Variants in YAE1 observed in about 807,000 individuals in gnomAD.
YAE1 encodes the protein YAE1 maturation factor of ABCE1.
YAE1 carries 22 observed loss-of-function variants against 23.0 expected under a neutral mutation model. That is an observed-to-expected ratio of 0.96 (90% CI 0.68 to 1.37). The LOEUF (loss-of-function observed/expected upper bound fraction) is 1.37. Ranked by LOEUF, YAE1 falls within the 40% of genes most tolerant of loss-of-function variation. YAE1 has a pLI of 0.00. For synonymous variants in YAE1, 101 were observed against 97.0 expected (o/e 1.04, Z -0.24); for missense variants, 260 against 262.1 (o/e 0.99, Z 0.06).
chr7:39,590,653 C>T (rs1790889114), intron 2 of YAE1, among the ~76,000 whole-genome samples: 1 of 152,050 alleles, frequency 6.6e-6, no homozygotes, highest in Non-Finnish European at 1.5e-5. Flanking sequence ...AGCTTTAAGG[C>T]CATTTTATAC....
At chr7:39,584,437 T>C (rs76899356) in intron 2 of YAE1, among the ~76,000 whole-genome samples, 7,102 of 152,272 alleles carry the variant, frequency 0.047, 569 homozygotes, top group African/African-American at 0.16. Flanking sequence ...GAGATGTTCA[T>C]ATAAATGAAA....
chr7:39,603,065 T>C (rs1218565939), intron 2 of YAE1, among the ~76,000 whole-genome samples: 3 of 152,224 alleles, frequency 2.0e-5, no homozygotes, highest in Non-Finnish European at 4.4e-5. Flanking sequence ...TCAAAGTTTC[T>C]GCCAATAATT....
At chr7:39,571,781 A>G (rs985194984) in intron 2 of YAE1, among the ~76,000 whole-genome samples, 5 of 152,300 alleles carry the variant, frequency 3.3e-5, no homozygotes, top group Non-Finnish European at 7.4e-5. Context: ...ACTCTGTGAC[A>G]TAAGCCCAGG....
chr7:39,577,210 T>A (rs1790667706), downstream of YAE1, among the ~76,000 whole-genome samples: 1 of 152,220 alleles, frequency 6.6e-6, no homozygotes, highest in South Asian at 2.1e-4. Flanking sequence ...TTTGCCTTTC[T>A]AAAAAATGTT....
chr7:39,609,955 A>G, exon 3 of YAE1: 1 of 1,522,040 alleles, frequency 6.6e-7, no homozygotes, highest in African/African-American at 1.4e-5. Context: ...TCAACATATA[A>G]TAGAATCATT....
Position 39,572,405 on chromosome 7 carries a change from C to G in YAE1, c.380C>G (p.Pro127Arg). ...VLKHLKSITP[P>R]SHVVDLLDSI... ...AAACATCTGAAATCAATCACTCCAC[C>G]GTCCCATGTTGTAGATTTATTGGAC... is the stretch of plus-strand genomic sequence containing the variant. Residue 127 changes from proline (P) to arginine (R), a missense_variant, in exon 3 of 3, where the codon CCG (proline) becomes CGG (arginine). Coordinates refer to ENST00000223273, the MANE Select transcript of YAE1 (RefSeq NM_020192.5). 1 of 1,614,076 alleles carries G rather than the reference C, an allele frequency of 6.2e-7. No homozygotes were observed. Among genetic ancestry groups the G allele is most frequent in the South Asian group, 1.1e-5 (1 of 91,064 alleles).
rs899052146 is a variant in YAE1 at position 39,605,937 on chromosome 7, TTTTTGTTTTG to T, written c.252-3666_252-3657del. On this transcript the variant is annotated intron_variant, in intron 2 of 2. Coordinates refer to the YAE1 transcript ENST00000432096. Reference sequence around the variant, plus strand: ...GTTTCATTCATCATCAGAGTTCTTTTTTTTGTTTTGTTTTGTTTTGTTTAGAAACACAGAG... The same window carrying T: ...GTTTCATTCATCATCAGAGTTCTTTTTTTTGTTTTGTTTAGAAACACAGAG... Among the ~76,000 whole-genome samples, 5 of 152,128 alleles carry T rather than the reference TTTTTGTTTTG, an allele frequency of 3.3e-5. No homozygotes were observed. In the South Asian group the frequency reaches 1.0e-3, roughly 31 times the overall value.
chr7:39,598,610 C>G (rs1187733429), intron 2 of YAE1, among the ~76,000 whole-genome samples: 1 of 151,644 alleles, frequency 6.6e-6, no homozygotes, highest in Non-Finnish European at 1.5e-5. Context: ...AACTCTATCT[C>G]TACCAAAAAT....
chr7:39,568,635 CA>C (rs975494106), intron 1 of YAE1, among the ~76,000 whole-genome samples: 6 of 152,104 alleles, frequency 3.9e-5, no homozygotes, highest in African/African-American at 1.2e-4. Flanking sequence ...GAAACAACAA[CA>C]AAAAATGCTG....
At chr7:39,600,998 GACA>G (rs1158798144) in intron 2 of YAE1, among the ~76,000 whole-genome samples, 7 of 152,164 alleles carry the variant, frequency 4.6e-5, no homozygotes, top group Admixed American at 3.3e-4. Context: ...ACCAAACTAA[GACA>G]ACAAGTCAGT....
chr7:39,583,374 A>G (rs1445238643), intron 2 of YAE1, among the ~76,000 whole-genome samples: 1 of 148,038 alleles, frequency 6.8e-6, no homozygotes, highest in Admixed American at 6.6e-5. Context: ...AGTTTACAAA[A>G]CAGGGGTAAC....
In YAE1 at chr7:39,566,439, C is replaced by G. The variant is rs930430498; in HGVS notation, c.21C>G (p.Ala7=). Reference sequence around the variant, plus strand: ...CGGTGATGTCGTGGGTTCAAGCAGCCTCCTTGATCCAGGGCCCTGGAGACA... The same window carrying G: ...CGGTGATGTCGTGGGTTCAAGCAGCGTCCTTGATCCAGGGCCCTGGAGACA... MSWVQA[A]SLIQGPGDKG... Residue 7 remains alanine, a synonymous_variant, in exon 1 of 3, where the codon GCC becomes GCG. Transcript: ENST00000223273. 2 of 1,614,100 alleles carry G rather than the reference C, an allele frequency of 1.2e-6. No individual in the cohort carries two copies. Among genetic ancestry groups the G allele is most frequent in the Admixed American group, 1.7e-5 (1 of 60,006 alleles).
chr7:39,606,580 G>T (rs944976788), intron 2 of YAE1, among the ~76,000 whole-genome samples: 11 of 152,164 alleles, frequency 7.2e-5, no homozygotes, highest in Admixed American at 4.6e-4. Flanking sequence ...GGTGGAACCG[G>T]GTGAATGGTG....
chr7:39,569,303 G>A, intron 1 of YAE1: 1 of 293,830 alleles, frequency 3.4e-6, no homozygotes, highest in Non-Finnish European at 6.8e-6. Context: ...GCAAGTCACA[G>A]TTCACTTCAA....
intron 1 of YAE1, chr7:39,569,819 T>G (rs531181551): frequency 2.5e-6 from 2 of 793,670 alleles, no homozygotes; most frequent in Non-Finnish European, 4.6e-6. Flanking sequence ...CTTTATCACT[T>G]ATAAAGTTTA....
At chr7:39,609,987 A>G (rs1248746202) in exon 3 of YAE1, 8 of 1,516,928 alleles carry the variant, frequency 5.3e-6, no homozygotes, top group Non-Finnish European at 7.0e-6. Flanking sequence ...ACACATTTAG[A>G]AGTTGTTCTT....
At chr7:39,584,657 G>A (rs1036530198) in intron 2 of YAE1, among the ~76,000 whole-genome samples, 4 of 152,130 alleles carry the variant, frequency 2.6e-5, no homozygotes, top group African/African-American at 9.7e-5. Flanking sequence ...AGAGTTTATT[G>A]AGGACTTTTA....
downstream of YAE1, among the ~76,000 whole-genome samples, chr7:39,574,557 AC>A (rs200726472): frequency 9.5e-3 from 1,447 of 151,946 alleles, 17 homozygotes; most frequent in African/African-American, 0.033. Context: ...ACATGGTGAA[AC>A]CCCGTCTCTG....
intron 1 of YAE1, 41 bp from the exon 2 acceptor site, chr7:39,570,465 A>G (rs984807127): frequency 1.2e-6 from 2 of 1,600,086 alleles, no homozygotes. Flanking sequence ...CTACATGTAT[A>G]TACTTAGTTA....
Sources: gnomAD v4.1 joint callset for allele counts (sites outside exome capture counted in the v4.1 genomes callset) on GRCh38, gnomAD v4.1.1 for gene constraint, MANE v1.5 for transcripts, NCBI Gene and HGNC (gene_info 2026-07-23, HGNC 2026-07-21) for gene names.